Variants in PRELID2 observed in about 807,000 individuals in gnomAD.
PRELID2 encodes PRELI domain containing 2.
A neutral mutation model predicts 28.4 loss-of-function variants in PRELID2; 25 were observed. The observed-to-expected ratio is 0.88, with a 90% CI of 0.64 to 1.23. PRELID2 has a LOEUF of 1.23. Among genes scored for constraint, PRELID2 ranks in the 50% most tolerant of loss-of-function variants. The pLI is 0.00. For synonymous variants in PRELID2, 76 were observed against 71.6 expected (o/e 1.06, Z -0.31); for missense variants, 201 against 214.4 (o/e 0.94, Z 0.39).
intron 1 of PRELID2, among the ~76,000 whole-genome samples, chr5:145,662,355 G>A (rs1027736017): frequency 2.0e-5 from 3 of 152,144 alleles, no homozygotes; most frequent in South Asian, 2.1e-4. Context: ...TTGGCCAAAT[G>A]CATTGCTTTA....
chr5:145,297,897 G>A, the PRELID2 span, among the ~76,000 whole-genome samples: 7 of 151,996 alleles, frequency 4.6e-5, no homozygotes, highest in Non-Finnish European at 2.9e-5. Context: ...AAATACCTAG[G>A]AATCCAACTT....
intron 1 of PRELID2, among the ~76,000 whole-genome samples, chr5:145,539,937 G>A (rs1055294368): frequency 6.6e-6 from 1 of 151,570 alleles, no homozygotes; most frequent in Non-Finnish European, 1.5e-5. Flanking sequence ...GCCAAAATGT[G>A]CCTCTAAGTA....
the PRELID2 span, among the ~76,000 whole-genome samples, chr5:145,401,943 A>C: frequency 6.6e-6 from 1 of 152,138 alleles, no homozygotes; most frequent in Non-Finnish European, 1.5e-5. Flanking sequence ...TATTCAGAAA[A>C]GTCTTTCCTA....
chr5:145,611,655 A>G (rs1414150730), intron 1 of PRELID2, among the ~76,000 whole-genome samples: 1 of 152,250 alleles, frequency 6.6e-6, no homozygotes. Flanking sequence ...ATGAAAGAAT[A>G]TACTATTATC....
At chr5:145,682,801 C>A (rs756583907) in intron 1 of PRELID2, among the ~76,000 whole-genome samples, 1 of 152,044 alleles carries the variant, frequency 6.6e-6, no homozygotes, top group Non-Finnish European at 1.5e-5. Flanking sequence ...TGCCAATGAC[C>A]ATCGAGGTTG....
chr5:145,585,071 G>A lies in PRELID2; in HGVS notation n.71-111756C>T, dbSNP rs184641872. On this transcript the variant is annotated intron_variant and non_coding_transcript_variant, in intron 1 of 2. Coordinates refer to the PRELID2 transcript ENST00000510259. Reference sequence around the variant, plus strand: ...CAGTGATAGACTGGATAAAGAAAATGTGGTATATATACACAATGGGATACT... The same window carrying A: ...CAGTGATAGACTGGATAAAGAAAATATGGTATATATACACAATGGGATACT... Among the ~76,000 whole-genome samples the A allele has an allele frequency of 1.4e-3, 218 of 152,276 alleles. 2 individuals carry two copies. The highest frequency in any genetic ancestry group is 5.0e-3 in the African/African-American group (209 of 41,570).
intron 1 of PRELID2, among the ~76,000 whole-genome samples, chr5:145,654,551 T>C (rs1463487187): frequency 6.6e-6 from 1 of 152,192 alleles, no homozygotes; most frequent in Non-Finnish European, 1.5e-5. Context: ...TTATCCACCA[T>C]GATCAACTGG....
chr5:145,819,219 A>G (rs1285558778), intron 3 of PRELID2, among the ~76,000 whole-genome samples: 2 of 152,266 alleles, frequency 1.3e-5, no homozygotes, highest in South Asian at 2.1e-4. Flanking sequence ...GGAGTAACAC[A>G]ACATCACACA....
intron 1 of PRELID2, among the ~76,000 whole-genome samples, chr5:145,605,975 T>C (rs1304582902): frequency 6.6e-6 from 1 of 152,104 alleles, no homozygotes; most frequent in East Asian, 1.9e-4. Flanking sequence ...ATTTCAGGGA[T>C]ATTTCACCTC....
the PRELID2 span, among the ~76,000 whole-genome samples, chr5:145,276,469 C>T: frequency 6.6e-6 from 1 of 152,072 alleles, no homozygotes; most frequent in Non-Finnish European, 1.5e-5. Context: ...AAAGGAAAAT[C>T]CTTCAAATAT....
chr5:145,789,298 A>G (rs1752210591), intron 5 of PRELID2, among the ~76,000 whole-genome samples: 1 of 152,214 alleles, frequency 6.6e-6, no homozygotes, highest in Admixed American at 6.5e-5. Context: ...CAAAAAACAG[A>G]CACATTGAAT....
the PRELID2 span, among the ~76,000 whole-genome samples, chr5:145,337,250 A>G: frequency 1.3e-5 from 2 of 152,032 alleles, no homozygotes; most frequent in African/African-American, 4.8e-5. Context: ...ACAAAACACA[A>G]TAGAAAAGAT....
chr5:145,483,418 C>T lies in PRELID2; in HGVS notation n.71-10103G>A, dbSNP rs533054858. 7.7e-4 allele frequency among the ~76,000 whole-genome samples: 118 copies of T among 152,310 alleles called. No homozygotes were observed. In the South Asian group the frequency reaches 8.3e-3, roughly 11 times the overall value. The stretch of plus-strand genomic sequence containing the variant: ...TAGACTGCATCATTGTCCTGGCTGA[C>T]TCATTAGCTCATCACAGACAGACAC... On this transcript the variant is annotated intron_variant and non_coding_transcript_variant, in intron 1 of 2. Coordinates refer to the PRELID2 transcript ENST00000510259.
chr5:145,472,518 T>C (rs1752064027), intron 2 of PRELID2, among the ~76,000 whole-genome samples: 1 of 152,162 alleles, frequency 6.6e-6, no homozygotes, highest in Admixed American at 6.6e-5. Flanking sequence ...AGGAGAAAGC[T>C]TTCCCATTAT....
At chr5:145,760,553 CA>C (rs1271881767) in intron 6 of PRELID2, 28 bp from the exon 7 acceptor site, 2 of 152,118 alleles carry the variant, frequency 1.3e-5, no homozygotes, top group African/African-American at 4.8e-5. Context: ...CAGGCTTTAT[CA>C]CCTCATAAAC....
At chr5:145,721,844 C>T (rs143536421) in intron 1 of PRELID2, among the ~76,000 whole-genome samples, 1 of 152,156 alleles carries the variant, frequency 6.6e-6, no homozygotes, top group South Asian at 2.1e-4. Context: ...CCAGAAAAAC[C>T]TTTTAATGTA....
rs773140999 is a variant in PRELID2, at chr5:145,835,157, A to T, written c.75+20T>A. On this transcript the variant is annotated intron_variant, in intron 1 of 6. Coordinates refer to ENST00000683046, the MANE Select transcript of PRELID2 (RefSeq NM_205846.3). ...CAGCGGAGGCAGCGCGGGATACGGAAGGTGGAAGCGGGGCGGTACCTTTCG... is the reference window on the plus strand; with the variant it reads ...CAGCGGAGGCAGCGCGGGATACGGATGGTGGAAGCGGGGCGGTACCTTTCG... 1.3e-6 allele frequency: 2 copies of T among 1,528,546 alleles called. No homozygotes were observed. Among genetic ancestry groups the T allele is most frequent in the Non-Finnish European group, 1.8e-6 (2 of 1,128,196 alleles). The allele number at this position is 1,528,546 out of a possible 1,614,324, so 94.7% of individuals were successfully genotyped here.
intron 1 of PRELID2, among the ~76,000 whole-genome samples, chr5:145,694,183 A>C (rs1755208247): frequency 6.6e-6 from 1 of 152,244 alleles, no homozygotes; most frequent in Non-Finnish European, 1.5e-5. Flanking sequence ...TAGTAAGTGC[A>C]ACAAAACTTT....
the PRELID2 span, among the ~76,000 whole-genome samples, chr5:145,352,082 G>A: frequency 6.6e-5 from 10 of 152,274 alleles, no homozygotes; most frequent in Middle Eastern, 3.4e-3. Flanking sequence ...GGTGTAAGCC[G>A]TCAGTGGATT....
Sources: allele counts gnomAD v4.1 joint callset (sites outside exome capture counted in the v4.1 genomes callset), GRCh38; gene constraint gnomAD v4.1.1; transcripts MANE v1.5; gene names NCBI Gene and HGNC (gene_info 2026-07-23, HGNC 2026-07-21).